Variants in TEX11 observed in about 807,000 individuals in gnomAD.
TEX11 encodes testis expressed 11, also known as testis-expressed protein 11.
TEX11 carries 7 observed loss-of-function variants against 84.4 expected under a neutral mutation model. The observed-to-expected ratio is 0.08, with a 90% CI of 0.05 to 0.16. The LOEUF (loss-of-function observed/expected upper bound fraction) is 0.16. Among genes scored for constraint, TEX11 ranks in the 10% least tolerant of loss-of-function variants. The pLI is 1.00. For synonymous variants in TEX11, 264 were observed against 222.8 expected (o/e 1.18, Z -1.64); for missense variants, 551 against 660.5 (o/e 0.83, Z 1.82).
chrX:70,753,930 A>G (rs998313350), intron 9 of TEX11, among the ~76,000 whole-genome samples: 1 of 110,820 alleles, frequency 9.0e-6, no homozygotes, highest in Non-Finnish European at 1.9e-5. Context: ...GCCCTGAATA[A>G]CCAGCAGTGA....
intron 18 of TEX11, among the ~76,000 whole-genome samples, chrX:70,625,277 C>T (rs1477717037): frequency 9.1e-6 from 1 of 110,460 alleles, no homozygotes; most frequent in Non-Finnish European, 1.9e-5. Context: ...CACTCTATTC[C>T]CAAAAGTCTC....
chrX:70,703,478 C>T (rs572134776), intron 13 of TEX11, among the ~76,000 whole-genome samples: 1 of 110,928 alleles, frequency 9.0e-6, no homozygotes, highest in East Asian at 2.8e-4. Flanking sequence ...ATACTACTTC[C>T]GTTATATATT....
chrX:70,701,456 C>T (rs910342665), intron 13 of TEX11, among the ~76,000 whole-genome samples: 1 of 111,910 alleles, frequency 8.9e-6, no homozygotes, highest in African/African-American at 3.2e-5. Flanking sequence ...AGTTTAAACC[C>T]TCTGTTGAGA....
intron 9 of TEX11, among the ~76,000 whole-genome samples, chrX:70,763,115 A>G (rs1314769127): frequency 3.6e-5 from 4 of 112,581 alleles, no homozygotes; most frequent in African/African-American, 1.3e-4. Context: ...GTATATACCC[A>G]AAGGAAAATA....
chrX:70,706,169 G>A (rs1261969306), intron 13 of TEX11, among the ~76,000 whole-genome samples: 1 of 110,906 alleles, frequency 9.0e-6, no homozygotes, highest in African/African-American at 3.3e-5. Flanking sequence ...GGACAAAGAT[G>A]AAGCTGGAAA....
chrX:70,688,977 A>G (rs186082914), intron 13 of TEX11, among the ~76,000 whole-genome samples: 3 of 109,830 alleles, frequency 2.7e-5, no homozygotes, highest in African/African-American at 9.9e-5. Context: ...ATAAAGGCAA[A>G]AAGAACTGCA....
chrX:70,844,748 C>T (rs1159460906), intron 7 of TEX11, among the ~76,000 whole-genome samples: 1 of 111,002 alleles, frequency 9.0e-6, no homozygotes, highest in East Asian at 2.8e-4. Context: ...GGGGAAACCC[C>T]CATCTCTACT....
At chrX:70,863,394 G>C (rs1160852281) in intron 4 of TEX11, among the ~76,000 whole-genome samples, 3 of 112,177 alleles carry the variant, frequency 2.7e-5, no homozygotes, top group African/African-American at 9.7e-5. Context: ...AGCAATCTTT[G>C]CTGTTCTGCA....
chrX:70,879,977 T>C lies in TEX11; in HGVS notation c.159+11A>G. 1 of 1,165,231 alleles carries C rather than the reference T, an allele frequency of 8.6e-7. No individual in the cohort carries two copies. The highest frequency in any genetic ancestry group is 1.2e-6 in the Non-Finnish European group (1 of 868,821). ...GAAACTTATCATAAACAGAATTATT[T>C]TTATACTAACCTGAATGTCTGTTAT... On this transcript the variant is annotated intron_variant, in intron 3 of 29. Coordinates refer to ENST00000374333, the MANE Select transcript of TEX11 (RefSeq NM_031276.3).
chrX:70,763,082 C>T (rs1366145889), intron 9 of TEX11, among the ~76,000 whole-genome samples: 2 of 111,743 alleles, frequency 1.8e-5, no homozygotes, highest in East Asian at 2.8e-4. Context: ...AACTACCATT[C>T]GATCCAGCAA....
chrX:70,837,298 C>T (rs963544013), intron 7 of TEX11, among the ~76,000 whole-genome samples: 2 of 111,258 alleles, frequency 1.8e-5, no homozygotes, highest in African/African-American at 6.5e-5. Flanking sequence ...TTGACTCATG[C>T]CTGTAATCCC....
chrX:70,650,400 G>T (rs1023619680), intron 17 of TEX11, among the ~76,000 whole-genome samples: 1 of 111,528 alleles, frequency 9.0e-6, no homozygotes, highest in Non-Finnish European at 1.9e-5. Flanking sequence ...AAAAAATAAT[G>T]TTAAAACAAA....
At chrX:70,722,531 T>A in intron 13 of TEX11, 87 bp downstream of exon 13, 1 of 747,210 alleles carries the variant, frequency 1.3e-6, no homozygotes, top group South Asian at 2.5e-5. Flanking sequence ...CGCCTCAGCC[T>A]CTCCAAGTGC....
chrX:70,545,779 G>A (rs1333136204), intron 28 of TEX11, among the ~76,000 whole-genome samples: 1 of 111,735 alleles, frequency 8.9e-6, no homozygotes, highest in Non-Finnish European at 1.9e-5. Flanking sequence ...TGTGAGTAAT[G>A]TGTTGCCTTA....
intron 16 of TEX11, among the ~76,000 whole-genome samples, chrX:70,659,651 T>C (rs1002515227): frequency 7.6e-4 from 85 of 112,106 alleles, no homozygotes; most frequent in African/African-American, 2.6e-3. Flanking sequence ...AGGATGATTG[T>C]TCAAAATGTT....
intron 11 of TEX11, among the ~76,000 whole-genome samples, chrX:70,726,676 A>T (rs6625664): frequency 9.3e-6 from 1 of 107,832 alleles, no homozygotes; most frequent in South Asian, 4.2e-4. Context: ...GATTACAGGT[A>T]CACTCTACCA....
chrX:70,816,881 AGAG>A (rs1241601264), intron 8 of TEX11, among the ~76,000 whole-genome samples: 14 of 111,074 alleles, frequency 1.3e-4, no homozygotes, highest in Non-Finnish European at 1.7e-4. Context: ...ATGAAGAATC[AGAG>A]AATGAGCATG....
At chrX:70,699,875 T>C (rs1461177640) in intron 13 of TEX11, among the ~76,000 whole-genome samples, 1 of 110,960 alleles carries the variant, frequency 9.0e-6, no homozygotes, top group Non-Finnish European at 1.9e-5. Flanking sequence ...GACAATTTAA[T>C]TTCATCAAAA....
At chrX:70,525,829 G>A (rs1220961090), downstream of TEX11, among the ~76,000 whole-genome samples, 7 of 112,277 alleles carry the variant, frequency 6.2e-5, no homozygotes, top group Non-Finnish European at 1.1e-4. Flanking sequence ...CACATGAGCC[G>A]ACTTCTCAAA....
Sources: allele counts gnomAD v4.1 joint callset (sites outside exome capture counted in the v4.1 genomes callset), GRCh38; gene constraint gnomAD v4.1.1; transcripts MANE v1.5; gene names NCBI Gene and HGNC (gene_info 2026-07-23, HGNC 2026-07-21).